SLC8A1: variants seen among roughly 807,000 people sequenced by gnomAD.
SLC8A1 encodes the protein solute carrier family 8 member A1, also known as sodium/calcium exchanger 1.
A neutral mutation model predicts 68.3 loss-of-function variants in SLC8A1; 18 were observed. The observed-to-expected ratio is 0.26, with a 90% confidence interval of 0.18 to 0.39. SLC8A1 has a LOEUF of 0.39. Among genes scored for constraint, SLC8A1 ranks in the 10% least tolerant of loss-of-function variants. The pLI is 1.00. For missense variants in SLC8A1, 985 were observed against 1,156.7 expected (o/e 0.85, Z 2.15); for synonymous variants, 475 against 415.5 (o/e 1.14, Z -1.74).
At chr2:40,158,647 G>C (rs985667160) in intron 6 of SLC8A1, among the ~76,000 whole-genome samples, 2 of 152,162 alleles carry the variant, frequency 1.3e-5, no homozygotes, top group Non-Finnish European at 2.9e-5. Flanking sequence ...CTCTGTGAGA[G>C]TAGGGAGCAA....
At chr2:40,286,665 C>T (rs2068365435) in intron 2 of SLC8A1, among the ~76,000 whole-genome samples, 1 of 152,176 alleles carries the variant, frequency 6.6e-6, no homozygotes, top group Non-Finnish European at 1.5e-5. Context: ...CCACTGATGA[C>T]TTTCTCCATG....
At chr2:40,122,224 ACG>A (rs1558434695) in intron 7 of SLC8A1, among the ~76,000 whole-genome samples, 2 of 139,942 alleles carry the variant, frequency 1.4e-5, no homozygotes, top group Non-Finnish European at 3.2e-5. Context: ...ACACACACAC[ACG>A]TGTGCGCGCG....
intron 2 of SLC8A1, among the ~76,000 whole-genome samples, chr2:40,216,028 A>G (rs1411168646): frequency 6.0e-5 from 4 of 66,728 alleles, no homozygotes; most frequent in Non-Finnish European, 1.6e-4. Flanking sequence ...TTTTTTTACA[A>G]TTTTTTAAAA....
intron 2 of SLC8A1, among the ~76,000 whole-genome samples, chr2:40,227,162 A>G (rs547595494): frequency 2.0e-5 from 3 of 152,096 alleles, no homozygotes; most frequent in Non-Finnish European, 4.4e-5. Flanking sequence ...TAATATTTAA[A>G]ATTCAACATT....
At chr2:40,155,756 C>G (rs140702485) in intron 6 of SLC8A1, among the ~76,000 whole-genome samples, 410 of 152,248 alleles carry the variant, frequency 2.7e-3, no homozygotes, top group Middle Eastern at 0.017. Flanking sequence ...ACAGAAGCGT[C>G]CTTTAAACTG....
chr2:40,119,688 G>T (rs550142687), intron 7 of SLC8A1, among the ~76,000 whole-genome samples: 1 of 152,190 alleles, frequency 6.6e-6, no homozygotes, highest in Admixed American at 6.5e-5. Context: ...TTTCCAATGC[G>T]ATTGACACAA....
chr2:40,136,340 A>C (rs1323240058), intron 7 of SLC8A1, among the ~76,000 whole-genome samples: 1 of 152,204 alleles, frequency 6.6e-6, no homozygotes, highest in African/African-American at 2.4e-5. Flanking sequence ...TGCAAGGAAG[A>C]AGCTTTGTCT....
intron 2 of SLC8A1, among the ~76,000 whole-genome samples, chr2:40,322,611 T>C (rs377080309): frequency 7.2e-5 from 11 of 151,836 alleles, no homozygotes; most frequent in African/African-American, 1.7e-4. Flanking sequence ...AGGAGTCTGA[T>C]GCTGCAGGGA....
chr2:40,205,311 CCTCT>C (rs1177668254), intron 2 of SLC8A1, among the ~76,000 whole-genome samples: 1 of 151,716 alleles, frequency 6.6e-6, no homozygotes, highest in African/African-American at 2.4e-5. Flanking sequence ...AAAATAAGGC[CCTCT>C]CTCTAGCCTA....
At chr2:40,311,995 G>T (rs569780907) in intron 2 of SLC8A1, among the ~76,000 whole-genome samples, 2 of 151,994 alleles carry the variant, frequency 1.3e-5, no homozygotes, top group African/African-American at 4.8e-5. Context: ...CTCCTCCCTT[G>T]CGTCTCAAAG....
At chr2:40,305,550 T>C (rs1003888740) in intron 2 of SLC8A1, among the ~76,000 whole-genome samples, 89 of 152,288 alleles carry the variant, frequency 5.8e-4, no homozygotes, top group African/African-American at 2.0e-3. Context: ...GAAAAGGGAT[T>C]ATTAATATTT....
intron 1 of SLC8A1, among the ~76,000 whole-genome samples, chr2:40,492,984 C>T (rs1029282897): frequency 6.6e-6 from 1 of 152,114 alleles, no homozygotes. Context: ...GTCCAGCCAT[C>T]CCATTACTGG....
chr2:40,159,406 A>T (rs981677667), intron 6 of SLC8A1, among the ~76,000 whole-genome samples: 2 of 152,214 alleles, frequency 1.3e-5, no homozygotes, highest in African/African-American at 4.8e-5. Context: ...CAGCTAAGAA[A>T]ACAGAAATGA....
intron 2 of SLC8A1, among the ~76,000 whole-genome samples, chr2:40,422,664 G>A (rs1230119837): frequency 6.6e-6 from 1 of 152,050 alleles, no homozygotes; most frequent in Non-Finnish European, 1.5e-5. Context: ...CTCCTCAAAA[G>A]CTGCTCAATA....
intron 2 of SLC8A1, among the ~76,000 whole-genome samples, chr2:40,329,284 A>T (rs889327548): frequency 1.3e-5 from 2 of 152,162 alleles, no homozygotes; most frequent in African/African-American, 2.4e-5. Context: ...TGTCTCCACA[A>T]TCTGAAGTAC....
chr2:40,238,487 G>C (rs1432418942), intron 2 of SLC8A1, among the ~76,000 whole-genome samples: 1 of 152,026 alleles, frequency 6.6e-6, no homozygotes, highest in African/African-American at 2.4e-5. Context: ...CGCACCCACT[G>C]ACCTGTGCCC....
At chr2:40,165,564 C>T (rs407889) in intron 4 of SLC8A1, among the ~76,000 whole-genome samples, 22,695 of 152,046 alleles carry the variant, frequency 0.15, 2,430 homozygotes, top group African/African-American at 0.28. Flanking sequence ...TTCTGTGAGA[C>T]GCTTGGGCTC....
At chr2:40,410,814 A>G (rs188895654) in intron 2 of SLC8A1, among the ~76,000 whole-genome samples, 6 of 152,180 alleles carry the variant, frequency 3.9e-5, no homozygotes, top group East Asian at 1.9e-4. Flanking sequence ...CACATACCTT[A>G]TCTTGTGATA....
At chr2:40,499,919 C>T (rs1191508367) in intron 1 of SLC8A1, among the ~76,000 whole-genome samples, 1 of 151,978 alleles carries the variant, frequency 6.6e-6, no homozygotes, top group Non-Finnish European at 1.5e-5. Flanking sequence ...AACTGAAGTC[C>T]ATGGAGCCAC....
Sources: gnomAD v4.1 joint callset for allele counts (sites outside exome capture counted in the v4.1 genomes callset) on GRCh38, gnomAD v4.1.1 for gene constraint, MANE v1.5 for transcripts, NCBI Gene and HGNC (gene_info 2026-07-23, HGNC 2026-07-21) for gene names.